PXDNL: variants seen among roughly 807,000 people sequenced by gnomAD.
The protein encoded by PXDNL is probable oxidoreductase PXDNL.
A neutral mutation model predicts 150.8 loss-of-function variants in PXDNL; 145 were observed. That is an observed-to-expected ratio of 0.96 (90% confidence interval 0.84 to 1.10). The LOEUF is 1.10. Among genes scored for constraint, PXDNL ranks in the 50% least tolerant of loss-of-function variants. The pLI is 0.00. For missense variants in PXDNL, 2,087 were observed against 1,873.9 expected (o/e 1.11, Z -2.10); for synonymous variants, 757 against 725.7 (o/e 1.04, Z -0.69).
chr8:51,643,001 C>G (rs1277437265), intron 2 of PXDNL, among the ~76,000 whole-genome samples: 4 of 152,146 alleles, frequency 2.6e-5, no homozygotes, highest in African/African-American at 7.2e-5. Flanking sequence ...TGAAGGACCT[C>G]TTCAAGGAGA....
intron 19 of PXDNL, among the ~76,000 whole-genome samples, chr8:51,351,727 T>A (rs894152990): frequency 2.0e-5 from 3 of 152,212 alleles, no homozygotes; most frequent in African/African-American, 7.2e-5. Flanking sequence ...TGGGCTACAT[T>A]CTCATGTCAT....
At chr8:51,576,558 A>G (rs1813059811) in intron 3 of PXDNL, among the ~76,000 whole-genome samples, 1 of 151,936 alleles carries the variant, frequency 6.6e-6, no homozygotes, top group African/African-American at 2.4e-5. Flanking sequence ...ACATGCTTAC[A>G]TTATAAAAGA....
chr8:51,533,924 G>A (rs1216175565), intron 4 of PXDNL, among the ~76,000 whole-genome samples: 1 of 151,204 alleles, frequency 6.6e-6, no homozygotes, highest in African/African-American at 2.5e-5. Context: ...GGGAAGTGAG[G>A]AGCGTCTCTG....
At chr8:51,771,155 G>A (rs919419465) in intron 1 of PXDNL, among the ~76,000 whole-genome samples, 2 of 152,096 alleles carry the variant, frequency 1.3e-5, no homozygotes, top group African/African-American at 2.4e-5. Flanking sequence ...ATAAAAATAT[G>A]TCCAGCCAAA....
intron 4 of PXDNL, among the ~76,000 whole-genome samples, chr8:51,507,359 T>C (rs1413073540): frequency 6.6e-6 from 1 of 152,068 alleles, no homozygotes; most frequent in Non-Finnish European, 1.5e-5. Flanking sequence ...GGGAGACAAA[T>C]GTATGTGAAG....
At chr8:51,642,930 A>C (rs201629747) in intron 2 of PXDNL, among the ~76,000 whole-genome samples, 15 of 152,256 alleles carry the variant, frequency 9.9e-5, no homozygotes, top group East Asian at 3.9e-4. Flanking sequence ...CATGAGTGAA[A>C]TCCCATTCAC....
intron 1 of PXDNL, among the ~76,000 whole-genome samples, chr8:51,743,837 G>C (rs1453939640): frequency 6.7e-6 from 1 of 149,804 alleles, no homozygotes; most frequent in Non-Finnish European, 1.5e-5. Context: ...TTTGTTTGAG[G>C]ATGTTTATCT....
At chr8:51,488,460 C>T (rs1181435019) in intron 5 of PXDNL, among the ~76,000 whole-genome samples, 1 of 152,080 alleles carries the variant, frequency 6.6e-6, no homozygotes, top group Non-Finnish European at 1.5e-5. Flanking sequence ...AGAACACCGA[C>T]AGCTAAGAGG....
intron 1 of PXDNL, among the ~76,000 whole-genome samples, chr8:51,713,814 G>A (rs1816548649): frequency 6.6e-6 from 1 of 152,118 alleles, no homozygotes; most frequent in African/African-American, 2.4e-5. Flanking sequence ...GGGTTGAAAT[G>A]TATTCCCAAC....
intron 17 of PXDNL, among the ~76,000 whole-genome samples, chr8:51,404,090 T>G (rs771007439): frequency 2.6e-5 from 4 of 152,214 alleles, no homozygotes; most frequent in African/African-American, 4.8e-5. Context: ...CCTGGTGGGT[T>G]CATGGTCTCG....
chr8:51,416,964 C>T (rs1808815526), intron 14 of PXDNL, among the ~76,000 whole-genome samples: 1 of 152,098 alleles, frequency 6.6e-6, no homozygotes, highest in Admixed American at 6.5e-5. Flanking sequence ...CTAAAACTAA[C>T]TCTTTTATTA....
chr8:51,642,175 G>A (rs940348856), intron 2 of PXDNL, among the ~76,000 whole-genome samples: 1 of 150,186 alleles, frequency 6.7e-6, no homozygotes, highest in African/African-American at 2.4e-5. Context: ...ATGGACACAG[G>A]AAGGGGAACA....
chr8:51,612,192 T>C (rs1453418217), intron 2 of PXDNL, among the ~76,000 whole-genome samples: 1 of 152,084 alleles, frequency 6.6e-6, no homozygotes. Context: ...ATTGGTGGTT[T>C]TGCTCCCGGC....
intron 1 of PXDNL, among the ~76,000 whole-genome samples, chr8:51,691,172 A>T (rs1476208023): frequency 7.2e-5 from 11 of 152,098 alleles, no homozygotes; most frequent in Admixed American, 5.9e-4. Context: ...TCTTTAGTTT[A>T]ATTAGATCCC....
chr8:51,509,735 C>CATAT lies in PXDNL; in HGVS notation c.381-9969_381-9966dup, dbSNP rs553993472. ...GGTTCTGTGTGTACATATATATATA[C>CATAT]ATATATACACACACACACACACACA... On this transcript the variant is annotated intron_variant, in intron 4 of 22. Transcript: ENST00000356297. Among the ~76,000 whole-genome samples, 546 of 107,032 alleles carry CATAT rather than the reference C, an allele frequency of 5.1e-3. 2 individuals are homozygous for CATAT. The highest frequency in any genetic ancestry group is 0.023 in the African/African-American group (521 of 22,716). The allele number at this position is 107,032 out of a possible 152,430, so 70.2% of individuals were successfully genotyped here.
intron 19 of PXDNL, among the ~76,000 whole-genome samples, chr8:51,353,683 G>C (rs1806419813): frequency 6.6e-6 from 1 of 152,056 alleles, no homozygotes; most frequent in Admixed American, 6.6e-5. Context: ...GTTAATTTTA[G>C]CTTATAGGGA....
intron 2 of PXDNL, among the ~76,000 whole-genome samples, chr8:51,637,557 C>A (rs990059218): frequency 6.6e-6 from 1 of 152,124 alleles, no homozygotes; most frequent in Non-Finnish European, 1.5e-5. Flanking sequence ...AATGAATGCA[C>A]AAGCTTCAGT....
intron 4 of PXDNL, among the ~76,000 whole-genome samples, chr8:51,541,253 T>TAAATAAAAAAA (rs1554551076): frequency 7.9e-6 from 1 of 127,230 alleles, no homozygotes; most frequent in African/African-American, 3.0e-5. Context: ...TGAGACTCCA[T>TAAATAAAAAAA]AAAAAAAAAA....
intron 12 of PXDNL, among the ~76,000 whole-genome samples, chr8:51,441,420 C>G (rs778431675): frequency 2.0e-5 from 3 of 152,148 alleles, no homozygotes; most frequent in Non-Finnish European, 4.4e-5. Flanking sequence ...CGGAGACTAG[C>G]AATTACTTCC....
Sources: gnomAD v4.1 joint callset for allele counts (sites outside exome capture counted in the v4.1 genomes callset) on GRCh38, gnomAD v4.1.1 for gene constraint, MANE v1.5 for transcripts, NCBI Gene and HGNC (gene_info 2026-07-23, HGNC 2026-07-21) for gene names.